C9orf153: variants seen among roughly 807,000 people sequenced by gnomAD.
C9orf153 encodes the protein uncharacterized protein C9orf153.
In C9orf153, 10 loss-of-function variants were observed where a neutral mutation model predicts 9.0. The ratio of observed to expected loss-of-function variants is 1.11; its 90% CI spans 0.69 to 1.89. C9orf153 has a LOEUF of 1.89. C9orf153 is among the 40% of genes most tolerant of loss of function. C9orf153 has a pLI of 0.00. For synonymous variants in C9orf153, 35 were observed against 37.3 expected (o/e 0.94, Z 0.23); for missense variants, 108 against 111.0 (o/e 0.97, Z 0.12).
Position 86,221,644 on chromosome 9 carries a change from C to A in C9orf153, c.*44G>T. The A allele has an allele frequency of 6.5e-7, 1 of 1,542,400 alleles. No individual in the cohort carries two copies. Among genetic ancestry groups the A allele is most frequent in the East Asian group, 2.5e-5 (1 of 40,030 alleles). On this transcript the variant is annotated 3_prime_UTR_variant, in exon 4 of 4. Transcript: ENST00000339137. Reference sequence around the variant, plus strand: ...CTCTTCTCAGTGTTGTATTTTATGTCTCCGAATGAAATTGCAGTAGTGCGC... The same window carrying A: ...CTCTTCTCAGTGTTGTATTTTATGTATCCGAATGAAATTGCAGTAGTGCGC...
chr9:86,237,883 A>T lies in C9orf153; in HGVS notation c.-26-8254T>A, dbSNP rs544232633. On this transcript the variant is annotated intron_variant, in intron 1 of 3. Coordinates refer to ENST00000339137, the MANE Select transcript of C9orf153 (RefSeq NM_001276366.4). ...CACCTGAGGTCAGGAGTTCGAGATC[A>T]GCCTGGCCAACATGGCGAAACCCTG... 7.9e-5 allele frequency among the ~76,000 whole-genome samples: 12 copies of T among 152,290 alleles called. 1 individual carries two copies. The South Asian group carries it at 2.5e-3, about 32-fold the overall frequency.
At chr9:86,243,137 T>C (rs1824785391) in intron 1 of C9orf153, among the ~76,000 whole-genome samples, 1 of 117,464 alleles carries the variant, frequency 8.5e-6, no homozygotes, top group African/African-American at 3.2e-5. Flanking sequence ...GCCTTCCTGT[T>C]TGGAGGAGAA....
intron 3 of C9orf153, chr9:86,227,309 G>T: frequency 7.0e-7 from 1 of 1,427,634 alleles, no homozygotes. Context: ...ACCAAGCTCA[G>T]CTAATTTTTA....
At chr9:86,257,257 C>T (rs189712739) in intron 1 of C9orf153, among the ~76,000 whole-genome samples, 163 of 152,292 alleles carry the variant, frequency 1.1e-3, no homozygotes, top group Admixed American at 3.2e-3. Context: ...TCTTCTGAAA[C>T]CCCAAAGCAC....
intron 1 of C9orf153, among the ~76,000 whole-genome samples, chr9:86,234,242 G>C (rs1358975138): frequency 6.6e-6 from 1 of 152,140 alleles, no homozygotes; most frequent in Non-Finnish European, 1.5e-5. Flanking sequence ...TTCCCATTTA[G>C]TCAGACAGAA....
intron 1 of C9orf153, among the ~76,000 whole-genome samples, chr9:86,234,198 TG>T (rs1824531721): frequency 6.6e-6 from 1 of 152,246 alleles, no homozygotes; most frequent in Non-Finnish European, 1.5e-5. Context: ...TGCGCTTCTG[TG>T]CATTCTTTCT....
chr9:86,251,913 C>CCACACACACACACACACA (rs1825001917), intron 1 of C9orf153, among the ~76,000 whole-genome samples: 5 of 41,454 alleles, frequency 1.2e-4, no homozygotes, highest in African/African-American at 5.9e-4. Context: ...TTTAGGTAAA[C>CCACACACACACACACACA]TACACACACA....
chr9:86,254,896 C>T lies in C9orf153; in HGVS notation c.-27+4654G>A, dbSNP rs192868305. 2.3e-4 allele frequency among the ~76,000 whole-genome samples: 35 copies of T among 152,176 alleles called. 1 individual carries two copies. Among genetic ancestry groups the T allele is most frequent in the Admixed American group, 2.2e-3 (34 of 15,278 alleles). Reference sequence around the variant, plus strand: ...CCTGGCAAACATGGTGAAACCCCGTCTCTTCCAAAAATACAAAAATTAGCT... The same window carrying T: ...CCTGGCAAACATGGTGAAACCCCGTTTCTTCCAAAAATACAAAAATTAGCT... On this transcript the variant is annotated intron_variant, in intron 1 of 3. Coordinates refer to ENST00000339137, the MANE Select transcript of C9orf153 (RefSeq NM_001276366.4).
At chr9:86,254,734 T>C (rs1825074278) in intron 1 of C9orf153, among the ~76,000 whole-genome samples, 1 of 152,090 alleles carries the variant, frequency 6.6e-6, no homozygotes. Flanking sequence ...TGGGAGAAAA[T>C]GGTTTAACTG....
chr9:86,224,302 G>A (rs1345185165), intron 3 of C9orf153, among the ~76,000 whole-genome samples: 1 of 152,076 alleles, frequency 6.6e-6, no homozygotes, highest in Non-Finnish European at 1.5e-5. Flanking sequence ...TAGGAGGATT[G>A]CTTGAGCCCA....
chr9:86,258,654 A>G lies in C9orf153; in HGVS notation c.-27+896T>C, dbSNP rs1353049870. On this transcript the variant is annotated intron_variant, in intron 1 of 3. Coordinates refer to ENST00000339137, the MANE Select transcript of C9orf153 (RefSeq NM_001276366.4). ...CAGATCACCCTCACATCCGGAAATA[A>G]TTGCTTTTAAAACGCAATATTTGAA... 4.6e-5 allele frequency: 7 copies of G among 152,314 alleles called. No homozygotes were observed. In the East Asian group the frequency reaches 1.3e-3, roughly 29 times the overall value. The allele number at this position is 152,314 out of a possible 1,614,324, so 9.4% of individuals were successfully genotyped here.
chr9:86,259,237 G>C (rs1468206394), intron 1 of C9orf153, among the ~76,000 whole-genome samples: 1 of 152,048 alleles, frequency 6.6e-6, no homozygotes, highest in Non-Finnish European at 1.5e-5. Flanking sequence ...CACAGGGGAG[G>C]ATGAAGGCAC....
chr9:86,228,496 G>C (rs1233184550), intron 2 of C9orf153, among the ~76,000 whole-genome samples: 1 of 152,168 alleles, frequency 6.6e-6, no homozygotes, highest in African/African-American at 2.4e-5. Flanking sequence ...TAATGTTCAG[G>C]AATCCAGTGC....
In C9orf153 at chr9:86,256,899, C is replaced by T. The variant is rs554742370; in HGVS notation, c.-27+2651G>A. Among the ~76,000 whole-genome samples, 13 of 152,228 alleles carry T rather than the reference C, an allele frequency of 8.5e-5. 1 individual carries two copies. Among genetic ancestry groups the T allele is most frequent in the African/African-American group, 2.9e-4 (12 of 41,532 alleles). Reference sequence around the variant, plus strand: ...TTTGAGTGAGTCACTGTGGCATGCACCTGTAATCCCAGCTACACGGGAGGC... The same window carrying T: ...TTTGAGTGAGTCACTGTGGCATGCATCTGTAATCCCAGCTACACGGGAGGC... On this transcript the variant is annotated intron_variant, in intron 1 of 3. Transcript: ENST00000339137.
chr9:86,245,147 G>C (rs1418659690), intron 1 of C9orf153, among the ~76,000 whole-genome samples: 1 of 152,124 alleles, frequency 6.6e-6, no homozygotes, highest in Non-Finnish European at 1.5e-5. Context: ...GGCTGGTCTT[G>C]AACTCCTGAC....
In C9orf153 at chr9:86,234,981, C is replaced by A. The variant is rs574121807; in HGVS notation, c.-26-5352G>T. ...CTGGCAGAGAAGTAAGGTCACAGGG[C>A]AAATTGCTGACCTAAAATTGGAGAA... On this transcript the variant is annotated intron_variant, in intron 1 of 3. Transcript: ENST00000339137. Among the ~76,000 whole-genome samples, 3 of 152,232 alleles carry A rather than the reference C, an allele frequency of 2.0e-5. No individual in the cohort carries two copies. The South Asian group carries it at 6.2e-4, about 32-fold the overall frequency.
intron 1 of C9orf153, among the ~76,000 whole-genome samples, chr9:86,257,682 G>A (rs938634540): frequency 1.3e-5 from 2 of 152,184 alleles, no homozygotes; most frequent in Non-Finnish European, 2.9e-5. Flanking sequence ...TTGTCAGAGG[G>A]TGAATTGACA....
chr9:86,224,685 T>G (rs532523677), intron 3 of C9orf153, among the ~76,000 whole-genome samples: 2 of 149,148 alleles, frequency 1.3e-5, no homozygotes, highest in African/African-American at 4.9e-5. Flanking sequence ...TAAAAAGCAC[T>G]GGGAGGCTGA....
At position 86,221,614 on chromosome 9, in the gene C9orf153, C is replaced by T; in HGVS notation, c.*74G>A. 6.6e-7 allele frequency: 1 copy of T among 1,513,636 alleles called. No individual in the cohort carries two copies. Among genetic ancestry groups the T allele is most frequent in the Non-Finnish European group, 8.9e-7 (1 of 1,129,682 alleles). The allele number at this position is 1,513,636 out of a possible 1,614,324, so 93.8% of individuals were successfully genotyped here. On this transcript the variant is annotated 3_prime_UTR_variant, in exon 4 of 4. Coordinates refer to ENST00000339137, the MANE Select transcript of C9orf153 (RefSeq NM_001276366.4). Reference sequence around the variant, plus strand: ...ACGTCAGGCATGTCCTGGCTCTCTACAAATCTCTTCTCAGTGTTGTATTTT... The same window carrying T: ...ACGTCAGGCATGTCCTGGCTCTCTATAAATCTCTTCTCAGTGTTGTATTTT...
Sources: allele counts gnomAD v4.1 joint callset (sites outside exome capture counted in the v4.1 genomes callset), GRCh38; gene constraint gnomAD v4.1.1; transcripts MANE v1.5; gene names NCBI Gene and HGNC (gene_info 2026-07-23, HGNC 2026-07-21).